Variants in UBAP2 observed in about 807,000 individuals in gnomAD.
UBAP2 encodes the protein ubiquitin-associated protein 2.
Under a neutral mutation model 139.6 loss-of-function variants are expected in UBAP2, and 75 were observed. The observed-to-expected ratio is 0.54, with a 90% CI of 0.45 to 0.65. The LOEUF is 0.65. Among genes scored for constraint, UBAP2 ranks in the 30% least tolerant of loss-of-function variants. UBAP2 has a pLI of 0.00. For synonymous variants in UBAP2, 526 were observed against 526.2 expected (o/e 1.00, Z 0.01); for missense variants, 1,368 against 1,369.6 (o/e 1.00, Z 0.02).
intron 6 of UBAP2, among the ~76,000 whole-genome samples, chr9:33,983,005 G>C (rs539285390): frequency 5.3e-5 from 8 of 151,746 alleles, no homozygotes; most frequent in African/African-American, 1.4e-4. Flanking sequence ...CGGCCTCCAA[G>C]TAGCTGGGAC....
intron 12 of UBAP2, among the ~76,000 whole-genome samples, chr9:33,950,907 A>G (rs1826040738): frequency 6.6e-6 from 1 of 152,268 alleles, no homozygotes; most frequent in Non-Finnish European, 1.5e-5. Flanking sequence ...ATGTGCATAC[A>G]TGCACATACA....
At chr9:33,946,047 T>C (rs1217127591) in intron 13 of UBAP2, among the ~76,000 whole-genome samples, 2 of 152,244 alleles carry the variant, frequency 1.3e-5, no homozygotes, top group South Asian at 2.1e-4. Flanking sequence ...CACACTCTAA[T>C]ATCAAACACT....
At chr9:34,024,283 G>T (rs144487666) in intron 1 of UBAP2, among the ~76,000 whole-genome samples, 1 of 150,242 alleles carries the variant, frequency 6.7e-6, no homozygotes, top group Non-Finnish European at 1.5e-5. Context: ...AAGAGGTTGC[G>T]GTGAGCCAAA....
intron 1 of UBAP2, among the ~76,000 whole-genome samples, chr9:34,041,408 T>A (rs1244047830): frequency 2.1e-5 from 3 of 140,400 alleles, no homozygotes; most frequent in Non-Finnish European, 3.0e-5. Context: ...GAGGTTGCAG[T>A]GAGCCAAGAT....
intron 1 of UBAP2, among the ~76,000 whole-genome samples, chr9:34,019,537 T>C (rs1824712563): frequency 6.6e-6 from 1 of 152,072 alleles, no homozygotes; most frequent in Non-Finnish European, 1.5e-5. Context: ...GGAGTTACTG[T>C]ATCACAGGTA....
chr9:33,977,409 T>C (rs1820241304), intron 6 of UBAP2, among the ~76,000 whole-genome samples: 2 of 152,182 alleles, frequency 1.3e-5, no homozygotes, highest in East Asian at 3.9e-4. Context: ...AATAGAATTA[T>C]TGTTTCCTAC....
At chr9:33,998,309 GAT>G (rs1307727562) in intron 3 of UBAP2, 1 of 153,268 alleles carries the variant, frequency 6.5e-6, no homozygotes, top group Admixed American at 6.5e-5. Context: ...GAGGCAGCAG[GAT>G]AGCGTGAGCC....
chr9:34,033,740 T>C (rs933087268), intron 1 of UBAP2, among the ~76,000 whole-genome samples: 3 of 139,620 alleles, frequency 2.1e-5, no homozygotes, highest in Admixed American at 7.3e-5. Flanking sequence ...AAATCAATTC[T>C]TTTTTTTTTT....
chr9:33,935,839 T>C lies in UBAP2; in HGVS notation c.1969A>G (p.Thr657Ala), dbSNP rs1824460477. 3.1e-6 allele frequency: 5 copies of C among 1,614,020 alleles called. No individual in the cohort carries two copies. Among genetic ancestry groups the C allele is most frequent in the Non-Finnish European group, 4.2e-6 (5 of 1,179,994 alleles). ...AAGAGTAGCTTGCTGCTATACTTAC[T>C]GTCTAGTGTCTGCTGACTTCGACCA... The part of the protein sequence containing the change: ...GGGRSQQTLD[T>A]PKTTGPPSAL... Residue 657 changes from threonine to alanine, a missense_variant and splice_region_variant, in exon 17 of 29, where the codon ACT becomes GCT. Transcript: ENST00000379238.
At chr9:33,972,427 C>T (rs1468437371) in intron 7 of UBAP2, among the ~76,000 whole-genome samples, 1 of 152,202 alleles carries the variant, frequency 6.6e-6, no homozygotes, top group Non-Finnish European at 1.5e-5. Flanking sequence ...TTCATCCCTC[C>T]TTTTCCTCAA....
chr9:33,983,631 A>C (rs967457592), intron 6 of UBAP2, among the ~76,000 whole-genome samples: 10 of 152,094 alleles, frequency 6.6e-5, no homozygotes, highest in Admixed American at 2.6e-4. Flanking sequence ...AAGTCATTTT[A>C]TTCTTTCTTT....
At position 33,944,488 on chromosome 9, in the gene UBAP2, G is replaced by A. The variant is rs1369934818; in HGVS notation, c.1422C>T (p.Pro474=). 12 of 1,613,994 alleles carry A rather than the reference G, an allele frequency of 7.4e-6. No individual in the cohort carries two copies. Among genetic ancestry groups the A allele is most frequent in the Non-Finnish European group, 1.0e-5 (12 of 1,180,050 alleles). The change falls in exon 14 of 29, where the codon CCC becomes CCT. Residue 474 remains proline (P), a synonymous_variant. Coordinates refer to ENST00000379238, the MANE Select transcript of UBAP2 (RefSeq NM_001370062.2). ...KLRESTPGDS[P]STVNKLLQLP... Reference sequence around the variant, plus strand: ...GCTGCAAAAGCTTGTTCACAGTGGAGGGACTGTCTCCAGGTGTTGATTCTC... The same window carrying A: ...GCTGCAAAAGCTTGTTCACAGTGGAAGGACTGTCTCCAGGTGTTGATTCTC...
At position 33,943,535 on chromosome 9, in the gene UBAP2, C is replaced by T. The variant is rs772931596; in HGVS notation, c.1600G>A (p.Val534Met). 1 of 1,614,050 alleles carries T rather than the reference C, an allele frequency of 6.2e-7. No homozygotes were observed. The highest frequency in any genetic ancestry group is 1.3e-5 in the African/African-American group (1 of 74,928). ...PGSADVTGLNVQFGALEFGSE... is the reference protein window; with the variant it reads ...PGSADVTGLNMQFGALEFGSE... The stretch of plus-strand genomic sequence containing the variant: ...CCAAATTCCAGAGCCCCAAACTGCA[C>T]ATTTAATCCTGTGACATCTGCTGAA... The change falls in exon 15 of 29, where the codon GTG (valine) becomes ATG (methionine). Residue 534 changes from valine to methionine, a missense_variant. Physicochemically the swap from Val to Met is conservative, Grantham distance 21 (BLOSUM62 1). Transcript: ENST00000379238.
intron 7 of UBAP2, 67 bp downstream of exon 7, chr9:33,973,116 T>G: frequency 7.0e-7 from 1 of 1,419,308 alleles, no homozygotes; most frequent in Non-Finnish European, 9.9e-7. Context: ...TGTAGGGTAT[T>G]AGAAGCAACT....
Position 33,956,155 on chromosome 9 carries a change from A to G in UBAP2, c.799-9T>C, listed in dbSNP as rs368895675. ...ACCTTTGTTTCAGAAAGCTGTATGG[A>G]AAGTTGAAAAATTTAATCTTATTCT... On this transcript the variant is annotated splice_polypyrimidine_tract_variant and intron_variant, in intron 10 of 28. Coordinates refer to ENST00000379238, the MANE Select transcript of UBAP2 (RefSeq NM_001370062.2). 16 of 1,611,242 alleles carry G rather than the reference A, an allele frequency of 9.9e-6. No individual in the cohort carries two copies. The highest frequency in any genetic ancestry group is 4.0e-5 in the African/African-American group (3 of 74,824).
chr9:33,944,954 G>A (rs1825542227), intron 13 of UBAP2, among the ~76,000 whole-genome samples: 1 of 151,902 alleles, frequency 6.6e-6, no homozygotes, highest in African/African-American at 2.4e-5. Flanking sequence ...ATTATTTTAT[G>A]GATTTTCTAC....
intron 1 of UBAP2, among the ~76,000 whole-genome samples, chr9:34,026,697 A>C (rs761776030): frequency 6.6e-6 from 1 of 152,204 alleles, no homozygotes; most frequent in Non-Finnish European, 1.5e-5. Context: ...GTATTAAGTC[A>C]CTAATCTTTC....
At chr9:33,975,250 T>C (rs963628797) in intron 6 of UBAP2, among the ~76,000 whole-genome samples, 2 of 150,380 alleles carry the variant, frequency 1.3e-5, no homozygotes, top group African/African-American at 4.9e-5. Context: ...GCCAATATGG[T>C]GAAACCCCGT....
In UBAP2 at chr9:34,002,567, C is replaced by T. The variant is rs371620353; in HGVS notation, c.100-3703G>A. ...TAATTTTTGTATTTTTAGTAGAGAA[C>T]GGGTTTCACAATGTTGGTCAGGCTG... On this transcript the variant is annotated intron_variant, in intron 2 of 28. Transcript: ENST00000379238. Among the ~76,000 whole-genome samples the T allele has an allele frequency of 1.5e-4, 23 of 151,862 alleles. 1 individual carries two copies. In the South Asian group the frequency reaches 4.6e-3, roughly 30 times the overall value.
Sources: gnomAD v4.1 joint callset for allele counts (sites outside exome capture counted in the v4.1 genomes callset) on GRCh38, gnomAD v4.1.1 for gene constraint, MANE v1.5 for transcripts, NCBI Gene and HGNC (gene_info 2026-07-23, HGNC 2026-07-21) for gene names.